The following CR1L variants were observed in gnomAD, a reference collection of about 807,000 sequenced individuals.
The protein encoded by CR1L is complement C3b/C4b receptor 1 like, also known as complement component receptor 1-like protein.
CR1L carries 59 observed loss-of-function variants against 62.3 expected under a neutral mutation model. The ratio of observed to expected loss-of-function variants is 0.95; its 90% CI spans 0.77 to 1.18. CR1L has a LOEUF of 1.18. CR1L is among the 50% of genes most tolerant of loss of function. The pLI, the probability that CR1L is intolerant of heterozygous loss-of-function variation, is 0.00. For synonymous variants in CR1L, 279 were observed against 248.7 expected, an observed-to-expected ratio of 1.12 and a Z score of -1.15; for missense variants, 700 against 702.8, an observed-to-expected ratio of 1.00 and a Z score of 0.04.
intron 1 of CR1L, among the ~76,000 whole-genome samples, chr1:207,656,609 C>G (rs1021230131): frequency 2.6e-5 from 4 of 152,020 alleles, no homozygotes; most frequent in African/African-American, 9.7e-5. Context: ...TTTGGGGAGG[C>G]CTCAGGAAAC....
At chr1:207,676,249 A>AC (rs1558015810) in intron 1 of CR1L, among the ~76,000 whole-genome samples, 1 of 150,708 alleles carries the variant, frequency 6.6e-6, no homozygotes, top group African/African-American at 2.4e-5. Flanking sequence ...ATGGATGCTG[A>AC]TTTTTTTTTT....
intron 11 of CR1L, among the ~76,000 whole-genome samples, chr1:207,722,067 A>T (rs1409386759): frequency 7.8e-5 from 5 of 63,904 alleles, no homozygotes; most frequent in Non-Finnish European, 1.0e-4. Context: ...AATTTGTTTG[A>T]GTTCATTGTA....
At chr1:207,666,976 C>T (rs1040387562) in intron 1 of CR1L, among the ~76,000 whole-genome samples, 1 of 152,178 alleles carries the variant, frequency 6.6e-6, no homozygotes, top group Non-Finnish European at 1.5e-5. Context: ...CATCTCCCAT[C>T]CATTATCTTT....
At chr1:207,717,067 T>C (rs1239059750) in intron 10 of CR1L, among the ~76,000 whole-genome samples, 3 of 152,232 alleles carry the variant, frequency 2.0e-5, no homozygotes, top group African/African-American at 7.2e-5. Context: ...AGTTCATAGA[T>C]TTCCTTGGAA....
intron 1 of CR1L, among the ~76,000 whole-genome samples, chr1:207,666,309 G>A (rs572940588): frequency 9.9e-5 from 15 of 152,226 alleles, no homozygotes; most frequent in Middle Eastern, 3.4e-3. Context: ...ATAGTCCTAC[G>A]TGATTTACTT....
chr1:207,663,153 C>A (rs1448589680), intron 1 of CR1L, among the ~76,000 whole-genome samples: 1 of 152,176 alleles, frequency 6.6e-6, no homozygotes, highest in East Asian at 1.9e-4. Context: ...GCTGGGAGAA[C>A]CACTACTCTC....
chr1:207,649,812 T>C (rs1028834384), intron 1 of CR1L, among the ~76,000 whole-genome samples: 8 of 152,194 alleles, frequency 5.3e-5, no homozygotes, highest in Admixed American at 2.6e-4. Context: ...AAAACCTTGA[T>C]TACTCTGTCA....
At chr1:207,650,045 A>G (rs1050639007) in intron 1 of CR1L, among the ~76,000 whole-genome samples, 2 of 152,052 alleles carry the variant, frequency 1.3e-5, no homozygotes, top group Non-Finnish European at 2.9e-5. Context: ...TGTAGAGTCA[A>G]AAGTGGCTCT....
At chr1:207,685,480 T>C (rs1421648005) in intron 4 of CR1L, among the ~76,000 whole-genome samples, 3 of 152,190 alleles carry the variant, frequency 2.0e-5, no homozygotes, top group Non-Finnish European at 4.4e-5. Context: ...TCTACTTCGG[T>C]TTTAGAGACT....
At chr1:207,706,447 G>A (rs976471496) in intron 9 of CR1L, among the ~76,000 whole-genome samples, 35 of 152,058 alleles carry the variant, frequency 2.3e-4, no homozygotes, top group African/African-American at 8.0e-4. Context: ...GAAGACGTAT[G>A]TAAGACAGTG....
At chr1:207,652,717 T>C in intron 1 of CR1L, 1 of 875,558 alleles carries the variant, frequency 1.1e-6, no homozygotes, top group South Asian at 1.3e-5. Flanking sequence ...GCTACCTGTC[T>C]CAGATGAGCC....
At chr1:207,654,694 C>A (rs1227943321) in intron 1 of CR1L, among the ~76,000 whole-genome samples, 13 of 152,288 alleles carry the variant, frequency 8.5e-5, no homozygotes, top group Non-Finnish European at 1.5e-5. Context: ...CTTATCTAAT[C>A]TCCTAAACAA....
chr1:207,697,296 T>C lies in CR1L; in HGVS notation c.863-207T>C, dbSNP rs567875303. The stretch of plus-strand genomic sequence containing the variant: ...TGAATTGGGGATACCTCTGTTTTAG[T>C]CACAGTTGTGCAATGTGTCAGTTCT... On this transcript the variant is annotated intron_variant, in intron 5 of 11. Coordinates refer to ENST00000508064, the MANE Select transcript of CR1L (RefSeq NM_175710.2). Among the ~76,000 whole-genome samples, 15 of 152,354 alleles carry C rather than the reference T, an allele frequency of 9.8e-5. No individual in the cohort carries two copies. In the South Asian group the frequency reaches 3.1e-3, roughly 32 times the overall value.
chr1:207,657,122 G>T (rs1663326169), intron 1 of CR1L: 6 of 718,850 alleles, frequency 8.3e-6, no homozygotes, highest in Admixed American at 6.4e-5. Flanking sequence ...TCAATTTTAA[G>T]AGATTTTGTG....
At chr1:207,652,333 A>G (rs1663235115) in intron 1 of CR1L, among the ~76,000 whole-genome samples, 1 of 152,236 alleles carries the variant, frequency 6.6e-6, no homozygotes, top group African/African-American at 2.4e-5. Flanking sequence ...TTTATTCCCA[A>G]ACAAACCAAA....
intron 10 of CR1L, among the ~76,000 whole-genome samples, chr1:207,712,693 C>A (rs1331694017): frequency 6.6e-6 from 1 of 152,206 alleles, no homozygotes; most frequent in Non-Finnish European, 1.5e-5. Context: ...CTGAAGCCCC[C>A]AGATGTACAG....
intron 1 of CR1L, among the ~76,000 whole-genome samples, chr1:207,675,968 T>C (rs1359756775): frequency 1.3e-5 from 2 of 152,322 alleles, no homozygotes; most frequent in South Asian, 2.1e-4. Flanking sequence ...ACTTCCAACA[T>C]TGGTGGCTGC....
chr1:207,688,477 C>T (rs1490305126), intron 4 of CR1L, among the ~76,000 whole-genome samples: 2 of 152,154 alleles, frequency 1.3e-5, no homozygotes, highest in Non-Finnish European at 2.9e-5. Context: ...ATTTTAATTA[C>T]TATAGCATGA....
intron 1 of CR1L, among the ~76,000 whole-genome samples, chr1:207,661,437 G>C (rs1466124768): frequency 6.6e-6 from 1 of 152,156 alleles, no homozygotes; most frequent in Non-Finnish European, 1.5e-5. Context: ...TTGGTTTAAA[G>C]TCTGTTTTAT....
Sources: allele counts gnomAD v4.1 joint callset (sites outside exome capture counted in the v4.1 genomes callset), GRCh38; gene constraint gnomAD v4.1.1; transcripts MANE v1.5; gene names NCBI Gene and HGNC (gene_info 2026-07-23, HGNC 2026-07-21).